The following NAALADL2 variants were observed in gnomAD, a reference collection of about 807,000 sequenced individuals.
NAALADL2 encodes the protein inactive N-acetylated-alpha-linked acidic dipeptidase-like protein 2.
Under a neutral mutation model 87.2 loss-of-function variants are expected in NAALADL2, and 76 were observed. The observed-to-expected ratio is 0.87, with a 90% CI of 0.72 to 1.05. The LOEUF is 1.05. NAALADL2 is among the 50% of genes least tolerant of loss of function. NAALADL2 has a pLI of 0.00. For synonymous variants in NAALADL2, 354 were observed against 331.0 expected (o/e 1.07, Z -0.75); for missense variants, 1,089 against 945.8 (o/e 1.15, Z -1.99).
chr3:175,361,084 G>C (rs998426756), intron 5 of NAALADL2, among the ~76,000 whole-genome samples: 1 of 149,704 alleles, frequency 6.7e-6, no homozygotes. Flanking sequence ...TGTTCTCATT[G>C]TTCAATTCCC....
At chr3:175,286,625 C>T (rs6801180) in intron 4 of NAALADL2, among the ~76,000 whole-genome samples, 3 of 151,544 alleles carry the variant, frequency 2.0e-5, no homozygotes, top group Non-Finnish European at 2.9e-5. Context: ...ATTTTATTCT[C>T]TTGTTTGATT....
chr3:174,935,148 A>T (rs972646777), intron 1 of NAALADL2, among the ~76,000 whole-genome samples: 6 of 146,392 alleles, frequency 4.1e-5, no homozygotes, highest in African/African-American at 1.5e-4. Flanking sequence ...GTTCATATAG[A>T]TGTTGGAAAA....
At chr3:174,873,835 T>A (rs1228353069) in intron 1 of NAALADL2, among the ~76,000 whole-genome samples, 1 of 151,374 alleles carries the variant, frequency 6.6e-6, no homozygotes, top group African/African-American at 2.4e-5. Context: ...GAAGGAAACA[T>A]ATTGAAAGAG....
chr3:175,160,199 G>A (rs1251896299), intron 2 of NAALADL2, among the ~76,000 whole-genome samples: 1 of 151,594 alleles, frequency 6.6e-6, no homozygotes, highest in African/African-American at 2.4e-5. Flanking sequence ...CAGTACAGTG[G>A]TAGTTTTGAT....
chr3:174,752,754 G>T (rs1421208758), intron 3 of NAALADL2, among the ~76,000 whole-genome samples: 1 of 152,010 alleles, frequency 6.6e-6, no homozygotes, highest in Non-Finnish European at 1.5e-5. Flanking sequence ...CTTGAGAATA[G>T]TAATTTCCTT....
At chr3:174,963,093 G>A (rs1269789014) in intron 1 of NAALADL2, among the ~76,000 whole-genome samples, 1 of 151,994 alleles carries the variant, frequency 6.6e-6, no homozygotes, top group African/African-American at 2.4e-5. Flanking sequence ...CATAAATGCA[G>A]GGCCTGCAGA....
At position 175,135,775 on chromosome 3, in the gene NAALADL2, G is replaced by A. The variant is rs185153785; in HGVS notation, c.545+38484G>A. Among the ~76,000 whole-genome samples the A allele has an allele frequency of 5.0e-3, 768 of 152,192 alleles. 5 individuals are homozygous for A. Among genetic ancestry groups the A allele is most frequent in the Admixed American group, 8.4e-3 (129 of 15,286 alleles). On this transcript the variant is annotated intron_variant, in intron 2 of 13. Transcript: ENST00000454872. ...AGCCAGGTGTCTTGATAAGAAATCC[G>A]AGATCAATAAAATAAGTATGTATTT... is the stretch of plus-strand genomic sequence containing the variant.
chr3:175,071,028 C>G (rs895630603), intron 1 of NAALADL2, among the ~76,000 whole-genome samples: 6 of 151,972 alleles, frequency 3.9e-5, no homozygotes, highest in Non-Finnish European at 5.9e-5. Flanking sequence ...GAACAGTGAC[C>G]TTCCTGTGCT....
At chr3:174,468,928 A>G (rs1174184843) in intron 1 of NAALADL2, among the ~76,000 whole-genome samples, 1 of 150,616 alleles carries the variant, frequency 6.6e-6, no homozygotes, top group Non-Finnish European at 1.5e-5. Context: ...ATGCCTGGCT[A>G]AATTTTGTAC....
intron 2 of NAALADL2, among the ~76,000 whole-genome samples, chr3:174,630,771 C>CCA (rs1722035288): frequency 6.6e-6 from 1 of 152,084 alleles, no homozygotes. Flanking sequence ...TAGCCTATAT[C>CCA]CAGCATGTCA....
intron 6 of NAALADL2, among the ~76,000 whole-genome samples, chr3:175,456,142 A>G (rs1039417396): frequency 2.0e-5 from 3 of 152,070 alleles, no homozygotes; most frequent in African/African-American, 4.8e-5. Context: ...TCACGGAAGA[A>G]GAAGATTGGG....
chr3:175,174,795 A>ATATG (rs1560120610), intron 2 of NAALADL2, among the ~76,000 whole-genome samples: 2 of 131,164 alleles, frequency 1.5e-5, no homozygotes, highest in African/African-American at 5.1e-5. Flanking sequence ...GTGTATATAT[A>ATATG]TGTGTGTGTG....
At chr3:175,359,890 C>T (rs551241584) in intron 5 of NAALADL2, among the ~76,000 whole-genome samples, 1 of 152,106 alleles carries the variant, frequency 6.6e-6, no homozygotes, top group East Asian at 1.9e-4. Flanking sequence ...AATTTGTTGC[C>T]CCACCTTTTC....
chr3:175,770,314 C>A (rs1234954456), intron 13 of NAALADL2, among the ~76,000 whole-genome samples: 3 of 152,040 alleles, frequency 2.0e-5, no homozygotes, highest in Non-Finnish European at 4.4e-5. Flanking sequence ...CAGGTCTTTC[C>A]CATGAGCAGT....
intron 1 of NAALADL2, among the ~76,000 whole-genome samples, chr3:174,903,755 G>T (rs769688667): frequency 6.6e-6 from 1 of 151,834 alleles, no homozygotes; most frequent in Non-Finnish European, 1.5e-5. Flanking sequence ...CCTGGATATT[G>T]TTGAATATAT....
chr3:175,495,815 T>C (rs1456214733), intron 9 of NAALADL2, among the ~76,000 whole-genome samples: 1 of 151,872 alleles, frequency 6.6e-6, no homozygotes, highest in African/African-American at 2.4e-5. Context: ...AGGAGGAAGG[T>C]TAATCACAAA....
chr3:174,980,908 G>C (rs1012668343), intron 1 of NAALADL2, among the ~76,000 whole-genome samples: 2 of 152,066 alleles, frequency 1.3e-5, no homozygotes, highest in Non-Finnish European at 2.9e-5. Flanking sequence ...TTTTTAAGAA[G>C]CTGCAGTTCT....
intron 10 of NAALADL2, among the ~76,000 whole-genome samples, chr3:175,605,079 CT>C (rs143151925): frequency 6.6e-6 from 1 of 152,200 alleles, no homozygotes; most frequent in Non-Finnish European, 1.5e-5. Context: ...TGAAGAAAGC[CT>C]TTTACCTTTT....
chr3:174,797,298 C>CTTTTTTTTTTTTTTTTTTTTTTTTTTTT (rs765233495), intron 3 of NAALADL2, among the ~76,000 whole-genome samples: 2 of 97,728 alleles, frequency 2.0e-5, no homozygotes, highest in East Asian at 3.4e-4. Context: ...TTTTGTTTTT[C>CTTTTTTTTTTTTTTTTTTTTTTTTTTTT]TTTTTTCTTT....
Sources: gnomAD v4.1 joint callset for allele counts (sites outside exome capture counted in the v4.1 genomes callset) on GRCh38, gnomAD v4.1.1 for gene constraint, MANE v1.5 for transcripts, NCBI Gene and HGNC (gene_info 2026-07-23, HGNC 2026-07-21) for gene names.